DLG2: variants seen among roughly 807,000 people sequenced by gnomAD.
DLG2 encodes the protein disks large homolog 2.
Under a neutral mutation model 132.5 loss-of-function variants are expected in DLG2, and 45 were observed. The observed-to-expected ratio is 0.34, with a 90% CI of 0.27 to 0.44. DLG2 has a LOEUF of 0.44. Among genes scored for constraint, DLG2 ranks in the 20% least tolerant of loss-of-function variants. The pLI, the probability that DLG2 is intolerant of heterozygous loss-of-function variation, is 1.00. For synonymous variants in DLG2, 424 were observed against 419.6 expected, an observed-to-expected ratio of 1.01 and a Z score of -0.13; for missense variants, 1,045 against 1,196.9, an observed-to-expected ratio of 0.87 and a Z score of 1.87.
intron 19 of DLG2, among the ~76,000 whole-genome samples, chr11:83,561,206 C>T (rs2096604221): frequency 1.3e-5 from 2 of 152,236 alleles, no homozygotes; most frequent in Admixed American, 1.3e-4. Flanking sequence ...GGCCCCACCT[C>T]CAACATTGGG....
chr11:84,290,220 T>A (rs1172848653), intron 7 of DLG2, among the ~76,000 whole-genome samples: 1 of 152,188 alleles, frequency 6.6e-6, no homozygotes, highest in Non-Finnish European at 1.5e-5. Flanking sequence ...GACAGAAGAT[T>A]GAGCAAAAGT....
intron 3 of DLG2, among the ~76,000 whole-genome samples, chr11:85,444,352 A>C (rs1359831559): frequency 3.3e-5 from 5 of 152,228 alleles, no homozygotes; most frequent in Non-Finnish European, 7.3e-5. Flanking sequence ...GAGTAAAAAA[A>C]AAAGTTAATC....
intron 3 of DLG2, among the ~76,000 whole-genome samples, chr11:85,412,359 C>T (rs541145782): frequency 2.6e-5 from 4 of 151,826 alleles, no homozygotes; most frequent in Middle Eastern, 3.4e-3. Context: ...GACAGAGGAA[C>T]CTGGATTCCT....
At chr11:83,879,158 T>G (rs1004695199) in intron 15 of DLG2, among the ~76,000 whole-genome samples, 1 of 152,208 alleles carries the variant, frequency 6.6e-6, no homozygotes, top group African/African-American at 2.4e-5. Flanking sequence ...AGGTCCTAGC[T>G]GGTGGTAACA....
rs187914107 is a variant in DLG2, at chr11:84,001,928, A to G, written c.920-21286T>C. ...GAAAATACAACATACCAAAATCTGT[A>G]AGATACAGCAAAAGCAGTACTAAGA... On this transcript the variant is annotated intron_variant, in intron 11 of 27. Coordinates refer to ENST00000376104, the MANE Select transcript of DLG2 (RefSeq NM_001142699.3). Among the ~76,000 whole-genome samples, 126 of 152,282 alleles carry G rather than the reference A, an allele frequency of 8.3e-4. 1 individual carries two copies. In the Middle Eastern group the frequency reaches 0.01, roughly 12 times the overall value.
chr11:84,549,897 G>A (rs2099398317), intron 6 of DLG2, among the ~76,000 whole-genome samples: 1 of 151,970 alleles, frequency 6.6e-6, no homozygotes, highest in Non-Finnish European at 1.5e-5. Flanking sequence ...GAGATTACAG[G>A]CTTGCACCAC....
chr11:84,501,304 C>CCTGTAATCCCAGCA (rs1283065154), intron 7 of DLG2, among the ~76,000 whole-genome samples: 2 of 152,212 alleles, frequency 1.3e-5, no homozygotes, highest in Admixed American at 1.3e-4. Context: ...GTGGCTCATG[C>CCTGTAATCCCAGCA]CTGTAATCCC....
At chr11:83,535,059 A>G (rs1017267059) in intron 20 of DLG2, among the ~76,000 whole-genome samples, 7 of 152,374 alleles carry the variant, frequency 4.6e-5, no homozygotes, top group Admixed American at 3.9e-4. Flanking sequence ...CAGATTTCAG[A>G]TAAGATAAGC....
In DLG2 at chr11:84,454,848, C is replaced by T. The variant is rs1227840118; in HGVS notation, c.519+79722G>A. Among the ~76,000 whole-genome samples the T allele has an allele frequency of 4.0e-5, 6 of 151,346 alleles. No individual in the cohort carries two copies. The South Asian group carries it at 1.2e-3, about 31-fold the overall frequency. ...CAATGATAGGATGAGAGAAGGAAGGCTTTACACAAGAGCAAAAGGGAACTT... is the reference window on the plus strand; with the variant it reads ...CAATGATAGGATGAGAGAAGGAAGGTTTTACACAAGAGCAAAAGGGAACTT... On this transcript the variant is annotated intron_variant, in intron 7 of 27. Coordinates refer to ENST00000376104, the MANE Select transcript of DLG2 (RefSeq NM_001142699.3).
chr11:84,808,289 A>T (rs1454986515), intron 6 of DLG2, among the ~76,000 whole-genome samples: 1 of 152,130 alleles, frequency 6.6e-6, no homozygotes, highest in East Asian at 1.9e-4. Context: ...CAGTGACTGA[A>T]AATCAGAATA....
intron 7 of DLG2, among the ~76,000 whole-genome samples, chr11:84,446,003 C>G (rs532738670): frequency 1.0e-4 from 15 of 145,570 alleles, no homozygotes; most frequent in African/African-American, 3.8e-4. Flanking sequence ...CTCTTAAATT[C>G]TGTTATGTTT....
chr11:84,993,790 G>A (rs2057374928), intron 6 of DLG2, among the ~76,000 whole-genome samples: 1 of 152,190 alleles, frequency 6.6e-6, no homozygotes, highest in Non-Finnish European at 1.5e-5. Context: ...ACTGTTTACA[G>A]GACTCAGCAG....
rs536514869 is a variant in DLG2 at position 84,676,771 on chromosome 11, C to A, written c.358-142040G>T. 1.9e-3 allele frequency among the ~76,000 whole-genome samples: 283 copies of A among 152,054 alleles called. 2 individuals are homozygous for A. Among genetic ancestry groups the A allele is most frequent in the African/African-American group, 6.7e-3 (278 of 41,498 alleles). ...CAATATAATATATTGATTAGCAAAT[C>A]ATTACTTAATTATACTGTAATATGT... is the stretch of plus-strand genomic sequence containing the variant. On this transcript the variant is annotated intron_variant, in intron 6 of 27. Coordinates refer to ENST00000376104, the MANE Select transcript of DLG2 (RefSeq NM_001142699.3).
At chr11:83,729,240 C>T (rs1197658778) in intron 18 of DLG2, among the ~76,000 whole-genome samples, 1 of 152,154 alleles carries the variant, frequency 6.6e-6, no homozygotes, top group Non-Finnish European at 1.5e-5. Context: ...GCAAATGACT[C>T]TAAATACAAC....
intron 21 of DLG2, among the ~76,000 whole-genome samples, chr11:83,526,722 C>T (rs2095618754): frequency 6.6e-6 from 1 of 152,166 alleles, no homozygotes; most frequent in Non-Finnish European, 1.5e-5. Context: ...TCTTTTCATT[C>T]TCCTTCACAA....
At chr11:85,555,758 A>G (rs1369616008) in intron 3 of DLG2, among the ~76,000 whole-genome samples, 1 of 151,878 alleles carries the variant, frequency 6.6e-6, no homozygotes, top group Non-Finnish European at 1.5e-5. Context: ...TGTCTGCATA[A>G]TAAGACAACC....
chr11:84,530,712 T>C (rs1484958399), intron 7 of DLG2, among the ~76,000 whole-genome samples: 1 of 152,210 alleles, frequency 6.6e-6, no homozygotes, highest in Admixed American at 6.5e-5. Context: ...GAAAGCAGTT[T>C]GACAATTTCT....
chr11:84,084,373 T>C (rs980578736), intron 10 of DLG2, among the ~76,000 whole-genome samples: 2 of 152,174 alleles, frequency 1.3e-5, no homozygotes, highest in Non-Finnish European at 1.5e-5. Context: ...ATGTAATGTG[T>C]TCCTTTGGAA....
At chr11:83,909,248 C>T (rs115997447) in intron 15 of DLG2, among the ~76,000 whole-genome samples, 2,294 of 152,272 alleles carry the variant, frequency 0.015, 31 homozygotes, top group South Asian at 0.069. Flanking sequence ...AGGCCATTTT[C>T]CCTTTTGTGG....
Sources: allele counts gnomAD v4.1 joint callset (sites outside exome capture counted in the v4.1 genomes callset), GRCh38; gene constraint gnomAD v4.1.1; transcripts MANE v1.5; gene names NCBI Gene and HGNC (gene_info 2026-07-23, HGNC 2026-07-21).